Variants in BTBD3 observed in about 807,000 individuals in gnomAD.
BTBD3 encodes the protein BTB domain containing 3, also known as BTB/POZ domain-containing protein 3.
Under a neutral mutation model 41.6 loss-of-function variants are expected in BTBD3, and 14 were observed. The observed-to-expected ratio is 0.34, with a 90% confidence interval of 0.22 to 0.53. The LOEUF (loss-of-function observed/expected upper bound fraction) is 0.53, where lower values mean the gene tolerates loss of function less well. Among genes scored for constraint, BTBD3 ranks in the 20% least tolerant of loss-of-function variants. The probability of loss-of-function intolerance (pLI) is 0.95; values close to 1 mark genes in which losing one functional copy is unlikely to be tolerated. For missense variants in BTBD3, 426 were observed against 654.7 expected, an observed-to-expected ratio of 0.65 and a Z score of 3.81; for synonymous variants, 249 against 233.7, an observed-to-expected ratio of 1.07 and a Z score of -0.60.
upstream of BTBD3, chr20:11,917,842 T>G (rs770897252): frequency 1.2e-6 from 1 of 867,844 alleles, no homozygotes; most frequent in Non-Finnish European, 1.4e-6. Context: ...GAGCACTGGC[T>G]GTCTGACTCC....
At chr20:11,916,399 T>A (rs1275493075), upstream of BTBD3, among the ~76,000 whole-genome samples, 1 of 152,224 alleles carries the variant, frequency 6.6e-6, no homozygotes, top group East Asian at 1.9e-4. Context: ...TGTATGAAGA[T>A]GATTTGGAGG....
Position 11,905,538 on chromosome 20 carries a change from G to A in BTBD3, c.-125-12796G>A, listed in dbSNP as rs560643916. Among the ~76,000 whole-genome samples the A allele has an allele frequency of 5.9e-5, 9 of 152,290 alleles. No homozygotes were observed. The East Asian group carries it at 1.7e-3, about 29-fold the overall frequency. On this transcript the variant is annotated intron_variant, in intron 1 of 4. Coordinates refer to the BTBD3 transcript ENST00000254977. ...TTATAGCAAAGGGGAATGCACAATA[G>A]CTATTTTGCACTTAGCCAGGCCGTT...
chr20:11,918,737 G>A (rs908271461), intron 1 of BTBD3, 136 bp downstream of exon 1: 1 of 985,444 alleles, frequency 1.0e-6, no homozygotes, highest in Non-Finnish European at 1.5e-6. Flanking sequence ...ATGGAAAATT[G>A]CCTTGTATCT....
At chr20:11,912,004 A>G (rs761427957) in intron 1 of BTBD3, among the ~76,000 whole-genome samples, 17 of 152,132 alleles carry the variant, frequency 1.1e-4, no homozygotes, top group Non-Finnish European at 2.2e-4. Context: ...ACCACATTCT[A>G]CCTTTGGGCA....
At chr20:11,912,719 A>G (rs1568612910) in intron 1 of BTBD3, among the ~76,000 whole-genome samples, 1 of 152,358 alleles carries the variant, frequency 6.6e-6, no homozygotes, top group East Asian at 1.9e-4. Flanking sequence ...TTCACAAAAC[A>G]TATAATCTTG....
rs199579752 is a variant in BTBD3, at chr20:11,923,659, A to G, written c.1562A>G (p.Tyr521Cys). The G allele has an allele frequency of 7.5e-6, 12 of 1,590,944 alleles. No individual in the cohort carries two copies. The highest frequency in any genetic ancestry group is 3.5e-5 in the South Asian group (3 of 86,546). ...GGGCAGATCCCTGAACTTATATTCTATGCTTGAAAACTCACTTCCTGAAGC... is the reference window on the plus strand; with the variant it reads ...GGGCAGATCCCTGAACTTATATTCTGTGCTTGAAAACTCACTTCCTGAAGC... ...QGGQIPELIF[Y>C]A The change falls in exon 4 of 4, where the codon TAT becomes TGT. Residue 521 changes from tyrosine (Y) to cysteine (C), a missense_variant. By Grantham distance (194) the Tyr-to-Cys change is radical (BLOSUM62 -2). This residue lies in a region of BTBD3 where 321 missense variants were observed against 534.8 expected (regional missense o/e 0.60). Coordinates refer to ENST00000378226, the MANE Select transcript of BTBD3 (RefSeq NM_014962.4). This position sits in a 1 kb window ranked among gnomAD's most constrained non-coding sequence, Gnocchi z 5.3.
In BTBD3 at chr20:11,908,321, G is replaced by GTTTT. The variant is rs3834758; in HGVS notation, c.-125-9998_-125-9995dup. ...ATGGTGGAGTGGTTGCTTCTCTGTG[G>GTTTT]TTTTTTTTTTTTTTTTTTAAATAAG... On this transcript the variant is annotated intron_variant, in intron 1 of 4. Coordinates refer to the BTBD3 transcript ENST00000254977. 3.9e-5 allele frequency among the ~76,000 whole-genome samples: 3 copies of GTTTT among 77,074 alleles called. 1 individual carries two copies. Among genetic ancestry groups the GTTTT allele is most frequent in the Non-Finnish European group, 7.4e-5 (3 of 40,286 alleles). The allele number at this position is 77,074 out of a possible 152,430, so 50.6% of individuals were successfully genotyped here.
At chr20:11,902,289 T>C (rs2056828638) in intron 1 of BTBD3, among the ~76,000 whole-genome samples, 1 of 152,250 alleles carries the variant, frequency 6.6e-6, no homozygotes, top group South Asian at 2.1e-4. Context: ...TTCATCAATA[T>C]TGTAAGTTTA....
At chr20:11,891,614 G>A (rs1043712167) in intron 1 of BTBD3, among the ~76,000 whole-genome samples, 1 of 152,160 alleles carries the variant, frequency 6.6e-6, no homozygotes, top group South Asian at 2.1e-4. Flanking sequence ...TTTGTGGCCC[G>A]TTTGCTCTAA....
At chr20:11,892,128 G>A (rs1201056391) in intron 1 of BTBD3, among the ~76,000 whole-genome samples, 5 of 152,204 alleles carry the variant, frequency 3.3e-5, no homozygotes, top group African/African-American at 1.2e-4. Flanking sequence ...AACTCACAAA[G>A]AGCGGTTTGT....
At chr20:11,920,552 A>C (rs566853608) in intron 3 of BTBD3, among the ~76,000 whole-genome samples, 1 of 152,216 alleles carries the variant, frequency 6.6e-6, no homozygotes, top group Non-Finnish European at 1.5e-5. Flanking sequence ...GGTCTTCTGC[A>C]GGCACCAGTA....
intron 1 of BTBD3, among the ~76,000 whole-genome samples, chr20:11,908,813 T>C (rs1385375263): frequency 6.6e-6 from 1 of 152,164 alleles, no homozygotes; most frequent in Non-Finnish European, 1.5e-5. Flanking sequence ...TATTATTTCC[T>C]GCAGCAAATG....
rs759963603 is a variant in BTBD3 at position 11,923,456 on chromosome 20, A to G, written c.1359A>G (p.Val453=). 6 of 1,614,056 alleles carry G rather than the reference A, an allele frequency of 3.7e-6. No individual in the cohort carries two copies. The highest frequency in any genetic ancestry group is 4.5e-5 in the East Asian group (2 of 44,886). ...ATGGGTCCAGCAATACCTTTCCCGTATGGTTTGAATACCCAGTGCAGATCG... is the reference window on the plus strand; with the variant it reads ...ATGGGTCCAGCAATACCTTTCCCGTGTGGTTTGAATACCCAGTGCAGATCG... ...FSDGSSNTFP[V]WFEYPVQIEP... Residue 453 remains valine (V), a synonymous_variant, in exon 4 of 4, where the codon GTA becomes GTG. Coordinates refer to ENST00000378226, the MANE Select transcript of BTBD3 (RefSeq NM_014962.4). This position sits in a 1 kb window ranked among gnomAD's most constrained non-coding sequence, Gnocchi z 5.3.
rs764204510 is a variant in BTBD3, at chr20:11,923,034, C to T, written c.937C>T (p.Leu313=). 3.7e-6 allele frequency: 6 copies of T among 1,613,994 alleles called. No individual in the cohort carries two copies. In the African/African-American group the frequency reaches 4.0e-5, roughly 11 times the overall value. ...GAGCATTGAAAATAAACGCAAGGTT[C>T]TAGGAAAGGCACTTTACTTGATCCG... ...ALSIENKRKV[L]GKALYLIRIP... is the part of the protein sequence containing the mutation. The change falls in exon 4 of 4, where the codon CTA becomes TTA. Residue 313 remains leucine (L), a synonymous_variant. Coordinates refer to ENST00000378226, the MANE Select transcript of BTBD3 (RefSeq NM_014962.4). The surrounding 1 kb of genome is among the most constrained non-coding windows in gnomAD (Gnocchi z 5.3).
Position 11,922,993 on chromosome 20 carries a change from G to T in BTBD3, c.896G>T (p.Arg299Leu). The change falls in exon 4 of 4, where the codon CGA becomes CTA. Residue 299 changes from arginine to leucine, a missense_variant. Coordinates refer to ENST00000378226, the MANE Select transcript of BTBD3 (RefSeq NM_014962.4). ...AACTGGGCTGAAGTAGAATGCCAAC[G>T]ACAAGATCTGGCGTTGAGCATTGAA... ...ALNWAEVECQ[R>L]QDLALSIENK... 6.2e-7 allele frequency: 1 copy of T among 1,614,208 alleles called. No individual in the cohort carries two copies. The highest frequency in any genetic ancestry group is 1.1e-5 in the South Asian group (1 of 91,078).
intron 1 of BTBD3, among the ~76,000 whole-genome samples, chr20:11,901,551 G>A (rs1017241305): frequency 5.9e-5 from 9 of 152,182 alleles, no homozygotes; most frequent in African/African-American, 1.9e-4. Flanking sequence ...ATTTAAATTA[G>A]TAGATTGTCT....
In BTBD3 at chr20:11,906,349, C is replaced by T. The variant is rs527428653; in HGVS notation, c.-125-11985C>T. Among the ~76,000 whole-genome samples, 6 of 133,122 alleles carry T rather than the reference C, an allele frequency of 4.5e-5. No homozygotes were observed. In the East Asian group the frequency reaches 1.2e-3, roughly 27 times the overall value. 87.3% of individuals were successfully genotyped at this position (133,122 alleles called of 152,430 possible). A position where few individuals can be genotyped will look rare whatever the true frequency, so the allele number is the denominator to read the frequency against. Reference sequence around the variant, plus strand: ...GTGTTATCGGTGCTCACTGCAACCTCTGCCTCCCAGGCTCAAGTATTCTCC... The same window carrying T: ...GTGTTATCGGTGCTCACTGCAACCTTTGCCTCCCAGGCTCAAGTATTCTCC... On this transcript the variant is annotated intron_variant, in intron 1 of 4. Transcript: ENST00000254977.
In BTBD3 at chr20:11,924,074, A is replaced by C; in HGVS notation, c.*408A>C. Reference sequence around the variant, plus strand: ...GTTATTTTTAAACAGAACTCCTCTTACCCCCCAAAACAGATAAACCTCAGT... The same window carrying C: ...GTTATTTTTAAACAGAACTCCTCTTCCCCCCCAAAACAGATAAACCTCAGT... On this transcript the variant is annotated 3_prime_UTR_variant, in exon 4 of 4. Coordinates refer to ENST00000378226, the MANE Select transcript of BTBD3 (RefSeq NM_014962.4). 6.2e-6 allele frequency: 1 copy of C among 161,184 alleles called. No individual in the cohort carries two copies. Among genetic ancestry groups the C allele is most frequent in the Non-Finnish European group, 1.4e-5 (1 of 73,848 alleles). The allele number at this position is 161,184 out of a possible 1,614,324, so 10.0% of individuals were successfully genotyped here. A position where few individuals can be genotyped will look rare whatever the true frequency, so the allele number is the denominator to read the frequency against.
chr20:11,899,385 T>C (rs1420514448), intron 1 of BTBD3, among the ~76,000 whole-genome samples: 1 of 152,160 alleles, frequency 6.6e-6, no homozygotes, highest in Non-Finnish European at 1.5e-5. Flanking sequence ...AATACCTGAT[T>C]TTTATTTTTT....
Sources: gnomAD v4.1 joint callset for allele counts (sites outside exome capture counted in the v4.1 genomes callset) on GRCh38, gnomAD v4.1.1 for gene constraint, gnomAD v4.1.1 regional missense constraint, Gnocchi (gnomAD v3.1) non-coding constraint, MANE v1.5 for transcripts, NCBI Gene and HGNC (gene_info 2026-07-23, HGNC 2026-07-21) for gene names.